Variants in TRPM8 observed in about 807,000 individuals in gnomAD.
TRPM8 encodes transient receptor potential cation channel subfamily M member 8, also known as TRPM8 cationic channel.
TRPM8 carries 110 observed loss-of-function variants against 133.7 expected under a neutral mutation model. The observed-to-expected ratio is 0.82, with a 90% CI of 0.70 to 0.96. The LOEUF (loss-of-function observed/expected upper bound fraction) is 0.96, where lower values mean the gene tolerates loss of function less well. Ranked by LOEUF, TRPM8 falls within the 40% of genes least tolerant of loss-of-function variation. The probability of loss-of-function intolerance (pLI) is 0.00; values close to 1 mark genes in which losing one functional copy is unlikely to be tolerated. For missense variants in TRPM8, 1,291 were observed against 1,379.5 expected (o/e 0.94, Z 1.02); for synonymous variants, 535 against 532.3 (o/e 1.01, Z -0.07).
chr2:233,950,219 G>T (rs929267548), intron 9 of TRPM8, 73 bp downstream of exon 9: 2 of 1,421,850 alleles, frequency 1.4e-6, no homozygotes, highest in Non-Finnish European at 1.9e-6. Flanking sequence ...TGCCTTAAAC[G>T]CCCAACTCCA....
intron 17 of TRPM8, among the ~76,000 whole-genome samples, chr2:233,972,463 C>T (rs573019356): frequency 3.0e-4 from 45 of 152,390 alleles, no homozygotes; most frequent in Non-Finnish European, 5.3e-4. Context: ...CTGCGCTGTG[C>T]GCCCGCACTC....
chr2:233,937,128 T>C (rs530076636), intron 3 of TRPM8, among the ~76,000 whole-genome samples: 1 of 152,204 alleles, frequency 6.6e-6, no homozygotes, highest in East Asian at 1.9e-4. Flanking sequence ...AATCCTGACC[T>C]CAAGTTATCC....
intron 6 of TRPM8, among the ~76,000 whole-genome samples, chr2:233,944,533 A>G (rs143881676): frequency 7.2e-4 from 109 of 152,360 alleles, no homozygotes; most frequent in African/African-American, 2.5e-3. Flanking sequence ...ATATGTAAAG[A>G]TTAAAGAATG....
chr2:233,998,430 C>G (rs1383528708), intron 22 of TRPM8, among the ~76,000 whole-genome samples: 1 of 152,114 alleles, frequency 6.6e-6, no homozygotes, highest in African/African-American at 2.4e-5. Context: ...CCCAGGACTT[C>G]CCCATCTTAG....
intron 4 of TRPM8, 129 bp from the exon 5 acceptor site, chr2:233,938,869 C>T (rs1254652199): frequency 9.9e-7 from 1 of 1,005,278 alleles, no homozygotes; most frequent in Non-Finnish European, 1.4e-6. Context: ...TGCCGCGATC[C>T]CTGCTGCCCC....
At position 234,018,176 on chromosome 2, in the gene TRPM8, A is replaced by G. The variant is rs1693002829; in HGVS notation, c.*920A>G. On this transcript the variant is annotated 3_prime_UTR_variant, in exon 26 of 26. Coordinates refer to ENST00000324695, the MANE Select transcript of TRPM8 (RefSeq NM_024080.5). ...TCAAAATTTTACAGAATGTTATCAT[A>G]CTACATATATACTTTTTATGTAAGC... is the stretch of plus-strand genomic sequence containing the variant. The G allele has an allele frequency of 1.3e-5, 2 of 152,148 alleles. No individual in the cohort carries two copies. Among genetic ancestry groups the G allele is most frequent in the Admixed American group, 6.5e-5 (1 of 15,282 alleles). The allele number at this position is 152,148 out of a possible 1,614,324, so 9.4% of individuals were successfully genotyped here. A position where few individuals can be genotyped will look rare whatever the true frequency, so the allele number is the denominator to read the frequency against.
At chr2:233,925,652 G>C (rs930176581) in intron 1 of TRPM8, among the ~76,000 whole-genome samples, 4 of 152,190 alleles carry the variant, frequency 2.6e-5, no homozygotes, top group African/African-American at 4.8e-5. Context: ...AGGAAGGACT[G>C]CTGCTGGGAT....
At chr2:233,967,701 T>C (rs1691609795) in intron 15 of TRPM8, among the ~76,000 whole-genome samples, 1 of 152,212 alleles carries the variant, frequency 6.6e-6, no homozygotes, top group Non-Finnish European at 1.5e-5. Flanking sequence ...AGAGCATTGA[T>C]CCATGACAAG....
At chr2:233,995,149 G>T (rs1020917818) in intron 21 of TRPM8, among the ~76,000 whole-genome samples, 3 of 152,146 alleles carry the variant, frequency 2.0e-5, no homozygotes, top group African/African-American at 7.2e-5. Flanking sequence ...CTTCCTAACT[G>T]GAGGACTCAG....
chr2:233,950,223 A>G, intron 9 of TRPM8, 77 bp downstream of exon 9: 3 of 1,389,734 alleles, frequency 2.2e-6, no homozygotes, highest in Non-Finnish European at 3.0e-6. Context: ...TTAAACGCCC[A>G]ACTCCACCAG....
At position 233,945,936 on chromosome 2, in the gene TRPM8, G is replaced by A. The variant is rs200887886; in HGVS notation, c.780G>A (p.Leu260=). 6 of 1,613,990 alleles carry A rather than the reference G, an allele frequency of 3.7e-6. No homozygotes were observed. The highest frequency in any genetic ancestry group is 5.1e-6 in the Non-Finnish European group (6 of 1,180,024). ...LYILDNNHTH[L]LLVDNGCHGH... is the part of the protein sequence containing the mutation. ...TCCTGGACAACAACCACACACATTT[G>A]CTGCTCGTGGACAATGGCTGTCATG... The change falls in exon 7 of 26, where the codon TTG becomes TTA. Residue 260 remains leucine, a synonymous_variant. Transcript: ENST00000324695.
intron 24 of TRPM8, among the ~76,000 whole-genome samples, chr2:234,008,904 G>A (rs1044161195): frequency 6.6e-5 from 10 of 152,300 alleles, no homozygotes; most frequent in Admixed American, 2.0e-4. Context: ...ATTTATTTGT[G>A]TTATTTACCC....
At chr2:234,012,496 T>TGTGA (rs1435542180) in intron 24 of TRPM8, among the ~76,000 whole-genome samples, 1 of 151,794 alleles carries the variant, frequency 6.6e-6, no homozygotes, top group African/African-American at 2.4e-5. Flanking sequence ...TGTGTGTGTG[T>TGTGA]GAGTGTGTGT....
intron 1 of TRPM8, among the ~76,000 whole-genome samples, chr2:233,925,619 C>T (rs1193416205): frequency 3.3e-5 from 5 of 151,996 alleles, no homozygotes; most frequent in African/African-American, 9.7e-5. Context: ...AGAGACAACG[C>T]GAGAGCCTTG....
chr2:234,008,049 T>C, intron 23 of TRPM8, 21 bp from the exon 24 acceptor site: 3 of 1,608,796 alleles, frequency 1.9e-6, no homozygotes, highest in Non-Finnish European at 2.5e-6. Context: ...TTCACTTTCT[T>C]TTTCATTAAC....
In TRPM8 at chr2:233,960,905, T is replaced by C. The variant is rs745879907; in HGVS notation, c.1492T>C (p.Ser498Pro). 3.7e-6 allele frequency: 6 copies of C among 1,614,186 alleles called. No individual in the cohort carries two copies. The highest frequency in any genetic ancestry group is 3.4e-6 in the Non-Finnish European group (4 of 1,180,044). The change falls in exon 12 of 26, where the codon TCC becomes CCC. Residue 498 changes from serine (S) to proline (P), a missense_variant. Physicochemically the swap from Ser to Pro is moderately conservative, Grantham distance 74. This residue lies in a region of TRPM8 where 963 missense variants were observed against 968.9 expected (regional missense o/e 0.99). Transcript: ENST00000324695. ...CCATGATGTCCTCACTGAACTCTTCTCCAACCACTTCAGCACGCTTGTGTA... is the reference window on the plus strand; with the variant it reads ...CCATGATGTCCTCACTGAACTCTTCCCCAACCACTTCAGCACGCTTGTGTA... ...LTHDVLTELF[S>P]NHFSTLVYRN...
intron 1 of TRPM8, among the ~76,000 whole-genome samples, chr2:233,921,020 C>T (rs2125023618): frequency 6.6e-6 from 1 of 152,124 alleles, no homozygotes. Context: ...CCATGCCTGG[C>T]TAATTTTTTG....
intron 22 of TRPM8, among the ~76,000 whole-genome samples, chr2:234,004,683 C>T (rs905024306): frequency 3.9e-5 from 6 of 151,970 alleles, no homozygotes; most frequent in African/African-American, 9.7e-5. Flanking sequence ...TTGCATGATT[C>T]GGAAAGCAAT....
intron 15 of TRPM8, 79 bp from the exon 16 acceptor site, chr2:233,969,616 C>A: frequency 1.2e-6 from 1 of 826,928 alleles, no homozygotes; most frequent in Non-Finnish European, 2.1e-6. Flanking sequence ...AAGTGTGGGG[C>A]GGGGAAGAAA....
Sources: allele counts gnomAD v4.1 joint callset (sites outside exome capture counted in the v4.1 genomes callset), GRCh38; gene constraint gnomAD v4.1.1; regional missense constraint gnomAD v4.1.1; transcripts MANE v1.5; gene names NCBI Gene and HGNC (gene_info 2026-07-23, HGNC 2026-07-21).